The following GPM6A variants were observed in gnomAD, a reference collection of about 807,000 sequenced individuals.
GPM6A encodes the protein neuronal membrane glycoprotein M6-a.
Under a neutral mutation model 32.1 loss-of-function variants are expected in GPM6A, and 7 were observed. The observed-to-expected ratio is 0.22, with a 90% confidence interval of 0.12 to 0.41. GPM6A has a LOEUF of 0.41. GPM6A is among the 10% of genes least tolerant of loss of function. The pLI is 1.00. For synonymous variants in GPM6A, 130 were observed against 123.4 expected (o/e 1.05, Z -0.35); for missense variants, 235 against 347.2 (o/e 0.68, Z 2.57).
intron 1 of GPM6A, among the ~76,000 whole-genome samples, chr4:175,933,241 A>G (rs1739110340): frequency 1.3e-5 from 2 of 152,202 alleles, no homozygotes; most frequent in African/African-American, 4.8e-5. Flanking sequence ...AGCTCATAAA[A>G]AGACACTCAA....
At chr4:175,711,588 T>C (rs564247647) in intron 1 of GPM6A, among the ~76,000 whole-genome samples, 1 of 150,414 alleles carries the variant, frequency 6.6e-6, no homozygotes, top group South Asian at 2.1e-4. Context: ...CTAAACAAAA[T>C]GGATGTATTT....
intron 1 of GPM6A, among the ~76,000 whole-genome samples, chr4:175,886,031 T>A (rs1485776238): frequency 6.6e-6 from 1 of 152,076 alleles, no homozygotes; most frequent in Non-Finnish European, 1.5e-5. Context: ...GAGGTCAGAA[T>A]AAAGAGATTC....
chr4:175,671,114 C>T (rs1213519388), intron 3 of GPM6A, among the ~76,000 whole-genome samples: 4 of 151,916 alleles, frequency 2.6e-5, no homozygotes, highest in Admixed American at 2.0e-4. Flanking sequence ...CCGCCTGCCT[C>T]GGCCTCCCAA....
intron 3 of GPM6A, among the ~76,000 whole-genome samples, chr4:175,652,230 C>T (rs953621312): frequency 6.6e-6 from 1 of 152,068 alleles, no homozygotes; most frequent in African/African-American, 2.4e-5. Context: ...AAAAATAATC[C>T]ATCTGCATTA....
intron 1 of GPM6A, among the ~76,000 whole-genome samples, chr4:175,960,265 T>A (rs1264927220): frequency 6.6e-6 from 1 of 152,150 alleles, no homozygotes; most frequent in African/African-American, 2.4e-5. Flanking sequence ...AATAAAAAAA[T>A]TAAACTAGGA....
chr4:175,641,039 T>C (rs571462165), intron 4 of GPM6A: 86 of 528,086 alleles, frequency 1.6e-4, no homozygotes, highest in Non-Finnish European at 2.0e-4. Flanking sequence ...CCTCAAGCAA[T>C]TTAAATAATT....
chr4:175,836,901 TAAC>T (rs2111377631), intron 1 of GPM6A, among the ~76,000 whole-genome samples: 1 of 152,224 alleles, frequency 6.6e-6, no homozygotes, highest in South Asian at 2.1e-4. Context: ...GCAGGGAGAA[TAAC>T]AACTCCCCCA....
chr4:175,698,178 A>G lies in GPM6A; in HGVS notation c.230+3397T>C, dbSNP rs1301318056. Among the ~76,000 whole-genome samples, 7 of 152,318 alleles carry G rather than the reference A, an allele frequency of 4.6e-5. No individual in the cohort carries two copies. The South Asian group carries it at 1.2e-3, about 27-fold the overall frequency. On this transcript the variant is annotated intron_variant, in intron 2 of 6. Coordinates refer to ENST00000393658, the MANE Select transcript of GPM6A (RefSeq NM_201591.3). Reference sequence around the variant, plus strand: ...CCTGAGCACCACAGATGGAAGATTCAGGGCTTGGGCAACTGGAACTGGTTT... The same window carrying G: ...CCTGAGCACCACAGATGGAAGATTCGGGGCTTGGGCAACTGGAACTGGTTT...
chr4:175,906,050 G>C (rs761468159), intron 1 of GPM6A, among the ~76,000 whole-genome samples: 6 of 152,104 alleles, frequency 3.9e-5, no homozygotes, highest in Non-Finnish European at 7.4e-5. Context: ...GTTTCAATAA[G>C]AGTGAACATT....
At chr4:175,949,849 C>T (rs1739744943) in intron 1 of GPM6A, among the ~76,000 whole-genome samples, 1 of 152,164 alleles carries the variant, frequency 6.6e-6, no homozygotes, top group African/African-American at 2.4e-5. Flanking sequence ...TGTCTGATAT[C>T]TGCGCTAAGT....
chr4:175,635,028 G>A lies in GPM6A; in HGVS notation c.714C>T (p.Asn238=). ...GGCAGGCGTCTTTCACATAGGCCCA[G>A]TTGGCAGACAGAACCATAAGGTAGT... ...MVHYLMVLSA[N]WAYVKDACRM... The change falls in exon 7 of 7, where the codon AAC becomes AAT. Residue 238 remains asparagine, a synonymous_variant. Coordinates refer to ENST00000393658, the MANE Select transcript of GPM6A (RefSeq NM_201591.3). 6.2e-7 allele frequency: 1 copy of A among 1,613,678 alleles called. No individual in the cohort carries two copies. Among genetic ancestry groups the A allele is most frequent in the Non-Finnish European group, 8.5e-7 (1 of 1,179,746 alleles).
At chr4:175,840,800 C>CATAAA (rs1735911758) in intron 1 of GPM6A, among the ~76,000 whole-genome samples, 2 of 152,202 alleles carry the variant, frequency 1.3e-5, no homozygotes, top group East Asian at 3.9e-4. Context: ...AGTCATAAGG[C>CATAAA]AGCAAAAGTT....
intron 1 of GPM6A, among the ~76,000 whole-genome samples, chr4:175,856,390 G>A (rs1260593023): frequency 6.6e-6 from 1 of 152,180 alleles, no homozygotes; most frequent in East Asian, 1.9e-4. Flanking sequence ...GTGGGTGCAG[G>A]AGCCATGGCA....
intron 3 of GPM6A, among the ~76,000 whole-genome samples, chr4:175,659,809 C>T (rs1742298059): frequency 6.6e-6 from 1 of 152,154 alleles, no homozygotes; most frequent in Admixed American, 6.5e-5. Flanking sequence ...GCCTGGGACA[C>T]AGTAGACACT....
intron 1 of GPM6A, among the ~76,000 whole-genome samples, chr4:175,901,722 G>C (rs1737975527): frequency 7.0e-6 from 1 of 142,452 alleles, no homozygotes; most frequent in African/African-American, 2.7e-5. Context: ...CGCCTCCTCA[G>C]TTCAAGCAAT....
intron 1 of GPM6A, among the ~76,000 whole-genome samples, chr4:175,959,485 TAC>T (rs1218270366): frequency 1.3e-5 from 2 of 152,030 alleles, no homozygotes; most frequent in African/African-American, 2.4e-5. Flanking sequence ...CTGCTGCAAT[TAC>T]AGAGGCTTAC....
chr4:175,930,002 T>C (rs781117068), intron 1 of GPM6A, among the ~76,000 whole-genome samples: 2 of 152,272 alleles, frequency 1.3e-5, no homozygotes, highest in Non-Finnish European at 2.9e-5. Flanking sequence ...AAAGAACTTA[T>C]ATATTCCCTA....
intron 1 of GPM6A, among the ~76,000 whole-genome samples, chr4:175,863,002 C>CCT (rs1047260966): frequency 2.6e-5 from 4 of 151,828 alleles, no homozygotes; most frequent in South Asian, 2.1e-4. Flanking sequence ...CACCTCATCT[C>CCT]CTCTCTCTCT....
chr4:175,766,423 A>G (rs977088554), intron 1 of GPM6A, among the ~76,000 whole-genome samples: 2 of 152,186 alleles, frequency 1.3e-5, no homozygotes, highest in Admixed American at 6.5e-5. Flanking sequence ...AGAAATGTCA[A>G]TCCAGATTAA....
Sources: gnomAD v4.1 joint callset for allele counts (sites outside exome capture counted in the v4.1 genomes callset) on GRCh38, gnomAD v4.1.1 for gene constraint, MANE v1.5 for transcripts, NCBI Gene and HGNC (gene_info 2026-07-23, HGNC 2026-07-21) for gene names.